Variants in POU2F1 observed in about 807,000 individuals in gnomAD.
POU2F1 encodes the protein POU class 2 homeobox 1.
POU2F1 carries 16 observed loss-of-function variants against 84.9 expected under a neutral mutation model. That is an observed-to-expected ratio of 0.19 (90% CI 0.13 to 0.29). The LOEUF is 0.29. Ranked by LOEUF, POU2F1 falls within the 10% of genes least tolerant of loss-of-function variation. The probability of loss-of-function intolerance (pLI) is 1.00; values close to 1 mark genes in which losing one functional copy is unlikely to be tolerated. For synonymous variants in POU2F1, 368 were observed against 368.3 expected, an observed-to-expected ratio of 1.00 and a Z score of 0.01; for missense variants, 738 against 942.6, an observed-to-expected ratio of 0.78 and a Z score of 2.84.
At chr1:167,231,191 T>G (rs886483143) in intron 1 of POU2F1, among the ~76,000 whole-genome samples, 1 of 152,240 alleles carries the variant, frequency 6.6e-6, no homozygotes, top group African/African-American at 2.4e-5. Flanking sequence ...ATAGGATTCT[T>G]ATTGATAAAA....
intron 3 of POU2F1, among the ~76,000 whole-genome samples, chr1:167,367,138 A>C (rs556713371): frequency 3.0e-4 from 46 of 152,260 alleles, no homozygotes; most frequent in Admixed American, 1.1e-3. Flanking sequence ...ACACCATTGA[A>C]TCTCCCATCA....
At chr1:167,391,545 A>G (rs1016880659) in intron 9 of POU2F1, among the ~76,000 whole-genome samples, 2 of 127,106 alleles carry the variant, frequency 1.6e-5, no homozygotes, top group African/African-American at 5.7e-5. Context: ...ATTTATATAT[A>G]TCTTTATATA....
intron 2 of POU2F1, among the ~76,000 whole-genome samples, chr1:167,347,630 C>A (rs190607858): frequency 6.6e-6 from 1 of 152,224 alleles, no homozygotes; most frequent in African/African-American, 2.4e-5. Context: ...CTATCCAGGT[C>A]CAAAACATTT....
intron 1 of POU2F1, among the ~76,000 whole-genome samples, chr1:167,316,419 G>A (rs550280276): frequency 1.3e-5 from 2 of 152,308 alleles, no homozygotes; most frequent in Non-Finnish European, 1.5e-5. Context: ...TGATAACTAG[G>A]AGAATGAGGG....
chr1:167,392,651 A>G (rs1365405674), intron 9 of POU2F1, among the ~76,000 whole-genome samples: 2 of 152,182 alleles, frequency 1.3e-5, no homozygotes, highest in Non-Finnish European at 2.9e-5. Flanking sequence ...CTCCAGGTAA[A>G]GGAGCTTCCC....
At chr1:167,322,360 A>G (rs1208223672) in intron 1 of POU2F1, among the ~76,000 whole-genome samples, 1 of 152,212 alleles carries the variant, frequency 6.6e-6, no homozygotes, top group Non-Finnish European at 1.5e-5. Context: ...ATCTGAATCT[A>G]TGACTTCTGT....
At chr1:167,274,959 C>T (rs1370769665) in intron 1 of POU2F1, among the ~76,000 whole-genome samples, 1 of 151,668 alleles carries the variant, frequency 6.6e-6, no homozygotes, top group Non-Finnish European at 1.5e-5. Flanking sequence ...TACTTTTAGT[C>T]CTGAGATTTG....
In POU2F1 at chr1:167,368,773, A is replaced by G. The variant is rs547697708; in HGVS notation, c.229-1388A>G. ...ACTAACAGGACTAGCAGTTTCAAAT[A>G]AAGGACATAGTAGTCAATTCATTTT... On this transcript the variant is annotated intron_variant, in intron 3 of 15. Transcript: ENST00000367866. Among the ~76,000 whole-genome samples the G allele has an allele frequency of 2.3e-3, 346 of 152,308 alleles. 2 individuals are homozygous for G. The highest frequency in any genetic ancestry group is 5.2e-3 in the Admixed American group (80 of 15,288).
At chr1:167,259,959 A>G (rs1651430843) in intron 1 of POU2F1, among the ~76,000 whole-genome samples, 1 of 151,950 alleles carries the variant, frequency 6.6e-6, no homozygotes, top group African/African-American at 2.4e-5. Flanking sequence ...GCTCACTGCA[A>G]GCTTCGCCTT....
At chr1:167,350,445 AC>A (rs1329954115) in intron 2 of POU2F1, among the ~76,000 whole-genome samples, 1 of 152,156 alleles carries the variant, frequency 6.6e-6, no homozygotes, top group Non-Finnish European at 1.5e-5. Flanking sequence ...TTAGTCTGAG[AC>A]CTATAGTAAC....
At chr1:167,258,090 T>A (rs974456082) in intron 1 of POU2F1, among the ~76,000 whole-genome samples, 8 of 152,200 alleles carry the variant, frequency 5.3e-5, no homozygotes, top group Non-Finnish European at 1.0e-4. Context: ...TAAGCTGTGA[T>A]TGTCATGTGT....
intron 7 of POU2F1, among the ~76,000 whole-genome samples, chr1:167,383,085 A>G (rs538316537): frequency 6.6e-6 from 1 of 152,330 alleles, no homozygotes; most frequent in Non-Finnish European, 1.5e-5. Flanking sequence ...AATACTTTCT[A>G]CCATTGCTCT....
At chr1:167,298,631 G>C (rs563218026) in intron 1 of POU2F1, among the ~76,000 whole-genome samples, 1 of 152,180 alleles carries the variant, frequency 6.6e-6, no homozygotes, top group South Asian at 2.1e-4. Context: ...CTGGTCTTCA[G>C]ATTCATTCAA....
chr1:167,345,671 A>G (rs1443914605), intron 2 of POU2F1, among the ~76,000 whole-genome samples: 1 of 152,208 alleles, frequency 6.6e-6, no homozygotes. Context: ...GGCAGAACAG[A>G]GATGGAGCAA....
intron 1 of POU2F1, among the ~76,000 whole-genome samples, chr1:167,313,749 A>G (rs951117220): frequency 1.3e-5 from 2 of 152,238 alleles, no homozygotes; most frequent in African/African-American, 4.8e-5. Context: ...GCTTATCAAA[A>G]TTAAAATATT....
intron 1 of POU2F1, among the ~76,000 whole-genome samples, chr1:167,223,171 G>C (rs1028929086): frequency 6.6e-6 from 1 of 152,102 alleles, no homozygotes; most frequent in African/African-American, 2.4e-5. Flanking sequence ...TGTTTTCTTT[G>C]AGTATTTGTG....
intron 1 of POU2F1, among the ~76,000 whole-genome samples, chr1:167,318,341 C>T (rs960836621): frequency 2.0e-5 from 3 of 152,076 alleles, no homozygotes; most frequent in African/African-American, 4.8e-5. Flanking sequence ...ACCATTTGAC[C>T]GTTTTGTTTA....
intron 1 of POU2F1, among the ~76,000 whole-genome samples, chr1:167,293,260 C>T (rs560897374): frequency 2.6e-5 from 4 of 152,020 alleles, no homozygotes; most frequent in African/African-American, 4.8e-5. Context: ...CTCTTAGATT[C>T]GAGAAACAAA....
chr1:167,303,677 CT>C (rs1654866212), intron 1 of POU2F1: 1 of 152,168 alleles, frequency 6.6e-6, no homozygotes, highest in Non-Finnish European at 1.5e-5. Context: ...ATTAAAATGA[CT>C]TATCAAATAT....
Sources: gnomAD v4.1 joint callset for allele counts (sites outside exome capture counted in the v4.1 genomes callset) on GRCh38, gnomAD v4.1.1 for gene constraint, MANE v1.5 for transcripts, NCBI Gene and HGNC (gene_info 2026-07-23, HGNC 2026-07-21) for gene names.